SGCD: variants seen among roughly 807,000 people sequenced by gnomAD.
SGCD encodes sarcoglycan delta.
In SGCD, 18 loss-of-function variants were observed where a neutral mutation model predicts 36.6. The observed-to-expected ratio is 0.49, with a 90% CI of 0.34 to 0.73. The LOEUF (loss-of-function observed/expected upper bound fraction) is 0.73, where lower values mean the gene tolerates loss of function less well. Ranked by LOEUF, SGCD falls within the 30% of genes least tolerant of loss-of-function variation. The probability of loss-of-function intolerance (pLI) is 0.01; values close to 1 mark genes in which losing one functional copy is unlikely to be tolerated. For synonymous variants in SGCD, 133 were observed against 130.6 expected (o/e 1.02, Z -0.12); for missense variants, 387 against 346.7 (o/e 1.12, Z -0.92).
the SGCD span, among the ~76,000 whole-genome samples, chr5:155,781,271 T>C: frequency 6.6e-6 from 1 of 152,158 alleles, no homozygotes; most frequent in African/African-American, 2.4e-5. Context: ...TGGAGTCATA[T>C]GGGTCTCCCG....
chr5:155,732,700 G>A, the SGCD span, among the ~76,000 whole-genome samples: 2 of 152,252 alleles, frequency 1.3e-5, no homozygotes, highest in African/African-American at 4.8e-5. Flanking sequence ...AAGGCTTACT[G>A]AATCAAAACC....
intron 1 of SGCD, among the ~76,000 whole-genome samples, chr5:156,034,749 C>T (rs1233722942): frequency 1.3e-5 from 2 of 152,196 alleles, no homozygotes; most frequent in Non-Finnish European, 2.9e-5. Flanking sequence ...CAAGATGTGT[C>T]TCACCCACTA....
intron 7 of SGCD, among the ~76,000 whole-genome samples, chr5:156,708,862 CAAAG>C (rs1175071678): frequency 6.6e-6 from 1 of 152,008 alleles, no homozygotes; most frequent in Non-Finnish European, 1.5e-5. Context: ...AGTGACAAGA[CAAAG>C]GAAGACAAAG....
chr5:155,868,816 A>G (rs1362727007), upstream of SGCD, among the ~76,000 whole-genome samples: 1 of 152,192 alleles, frequency 6.6e-6, no homozygotes, highest in Non-Finnish European at 1.5e-5. Flanking sequence ...AGTGGTGAAT[A>G]TGGGAGAAGC....
intron 1 of SGCD, among the ~76,000 whole-genome samples, chr5:156,042,672 G>A (rs994496192): frequency 8.5e-5 from 13 of 152,178 alleles, no homozygotes; most frequent in Non-Finnish European, 1.9e-4. Context: ...TGTGTGCTCA[G>A]TCAGCTTCTG....
intron 3 of SGCD, among the ~76,000 whole-genome samples, chr5:156,422,152 C>T (rs1015933075): frequency 1.3e-4 from 19 of 151,992 alleles, no homozygotes; most frequent in African/African-American, 4.3e-4. Flanking sequence ...GAGGGCTTAG[C>T]ACTGTTCACT....
chr5:156,178,649 C>T (rs915267733), intron 3 of SGCD, among the ~76,000 whole-genome samples: 1 of 152,180 alleles, frequency 6.6e-6, no homozygotes, highest in Non-Finnish European at 1.5e-5. Flanking sequence ...AGAGATTGCT[C>T]ACTGCAACCT....
chr5:155,946,951 A>G (rs1230270120), intron 1 of SGCD, among the ~76,000 whole-genome samples: 1 of 152,204 alleles, frequency 6.6e-6, no homozygotes, highest in Non-Finnish European at 1.5e-5. Context: ...GACAAGGGTC[A>G]TAGAACCTGG....
the SGCD span, among the ~76,000 whole-genome samples, chr5:155,857,958 G>A: frequency 2.6e-5 from 4 of 151,894 alleles, no homozygotes; most frequent in African/African-American, 4.8e-5. Context: ...TCTGTTCTTT[G>A]TTATTCTTTT....
In SGCD at chr5:156,299,765, C is replaced by T. The variant is rs563938005; in HGVS notation, c.-43-29769C>T. ...TCACCGTTGGCATGTAAAAATGCTA[C>T]TGATTTTTGTATGTTGATTGTATAT... On this transcript the variant is annotated intron_variant, in intron 3 of 9. Coordinates refer to the SGCD transcript ENST00000517913. 5.9e-5 allele frequency among the ~76,000 whole-genome samples: 9 copies of T among 152,234 alleles called. No individual in the cohort carries two copies. In the East Asian group the frequency reaches 1.7e-3, roughly 29 times the overall value.
intron 3 of SGCD, among the ~76,000 whole-genome samples, chr5:156,402,041 T>A (rs1772180008): frequency 6.6e-6 from 1 of 152,218 alleles, no homozygotes; most frequent in African/African-American, 2.4e-5. Context: ...GTGTCTGGCT[T>A]ATTTCACTTA....
chr5:155,791,852 C>A, the SGCD span, among the ~76,000 whole-genome samples: 1 of 152,112 alleles, frequency 6.6e-6, no homozygotes, highest in Non-Finnish European at 1.5e-5. Context: ...TTTACAGATT[C>A]AATGCTATCC....
intron 2 of SGCD, among the ~76,000 whole-genome samples, chr5:156,343,653 C>T (rs1214426969): frequency 6.6e-6 from 1 of 152,036 alleles, no homozygotes; most frequent in African/African-American, 2.4e-5. Context: ...ACTTGGAAAA[C>T]CTTCCTTATT....
Position 155,893,857 on chromosome 5 carries a change from G to A in SGCD, c.-282+23433G>A, listed in dbSNP as rs559146778. 1.2e-4 allele frequency among the ~76,000 whole-genome samples: 19 copies of A among 152,318 alleles called. No individual in the cohort carries two copies. The South Asian group carries it at 3.7e-3, about 30-fold the overall frequency. ...TAGCCTATAGCCTATTACATGCGTA[G>A]GCAATATGGTAAAGCCTGTTACTCT... On this transcript the variant is annotated intron_variant, in intron 1 of 9. Transcript: ENST00000517913.
rs775689612 is a variant in SGCD at position 155,934,226 on chromosome 5, A to G, written c.-282+63802A>G. Among the ~76,000 whole-genome samples, 4 of 152,214 alleles carry G rather than the reference A, an allele frequency of 2.6e-5. No homozygotes were observed. In the South Asian group the frequency reaches 6.2e-4, roughly 24 times the overall value. ...GCAGAGCCACACGAAGTGAGCAGGT[A>G]TCCCAGTAAAGAGTATTTGACATCT... On this transcript the variant is annotated intron_variant, in intron 1 of 9. Transcript: ENST00000517913.
intron 4 of SGCD, among the ~76,000 whole-genome samples, chr5:156,537,979 C>T (rs1377618801): frequency 6.6e-6 from 1 of 152,004 alleles, no homozygotes; most frequent in African/African-American, 2.4e-5. Flanking sequence ...TATATCTTTT[C>T]CTTGCAGCCA....
intron 3 of SGCD, among the ~76,000 whole-genome samples, chr5:156,210,740 A>G (rs920148728): frequency 2.6e-5 from 4 of 151,858 alleles, no homozygotes; most frequent in Non-Finnish European, 5.9e-5. Flanking sequence ...GAACTTACAG[A>G]CAAGTTATTT....
At chr5:156,305,292 G>A (rs1767174139) in intron 3 of SGCD, among the ~76,000 whole-genome samples, 1 of 152,172 alleles carries the variant, frequency 6.6e-6, no homozygotes, top group South Asian at 2.1e-4. Context: ...GCTGTGTGCA[G>A]CTTAGGGACT....
At chr5:155,954,318 A>G (rs1049914650) in intron 1 of SGCD, among the ~76,000 whole-genome samples, 2 of 152,186 alleles carry the variant, frequency 1.3e-5, no homozygotes, top group African/African-American at 4.8e-5. Context: ...CTTAGGTCAT[A>G]AATTCGCTTT....
Sources: allele counts gnomAD v4.1 joint callset (sites outside exome capture counted in the v4.1 genomes callset), GRCh38; gene constraint gnomAD v4.1.1; transcripts MANE v1.5; gene names NCBI Gene and HGNC (gene_info 2026-07-23, HGNC 2026-07-21).